STK33: variants seen among roughly 807,000 people sequenced by gnomAD.
STK33 encodes the protein serine/threonine-protein kinase 33.
In STK33, 52 loss-of-function variants were observed where a neutral mutation model predicts 58.0. The ratio of observed to expected loss-of-function variants is 0.90; its 90% CI spans 0.72 to 1.13. The LOEUF (loss-of-function observed/expected upper bound fraction) is 1.13, where lower values mean the gene tolerates loss of function less well. STK33 is among the 50% of genes most tolerant of loss of function. STK33 has a pLI of 0.00. For missense variants in STK33, 630 were observed against 604.2 expected, an observed-to-expected ratio of 1.04 and a Z score of -0.45; for synonymous variants, 215 against 200.1, an observed-to-expected ratio of 1.07 and a Z score of -0.63.
chr11:8,444,841 C>T (rs1297698103), intron 11 of STK33, among the ~76,000 whole-genome samples: 1 of 152,024 alleles, frequency 6.6e-6, no homozygotes, highest in African/African-American at 2.4e-5. Flanking sequence ...AAATTTCAAA[C>T]TATTATTAGA....
rs1021443120 is a variant in STK33 at position 8,454,899 on chromosome 11, A to C, written c.698-67T>G. 3 of 1,379,130 alleles carry C rather than the reference A, an allele frequency of 2.2e-6. No homozygotes were observed. In the African/African-American group the frequency reaches 4.5e-5, roughly 21 times the overall value. 85.4% of individuals were successfully genotyped at this position (1,379,130 alleles called of 1,614,324 possible). A position where few individuals can be genotyped will look rare whatever the true frequency, so the allele number is the denominator to read the frequency against. On this transcript the variant is annotated intron_variant, in intron 9 of 15. Coordinates refer to ENST00000687296, the MANE Select transcript of STK33 (RefSeq NM_001352389.2). ...GGAAAAATAGGAGAGACACATATAG[A>C]TTAAATATATTTGACAAATTAATAT... is the stretch of plus-strand genomic sequence containing the variant.
At chr11:8,455,091 T>C (rs907483656) in intron 9 of STK33, among the ~76,000 whole-genome samples, 11 of 152,192 alleles carry the variant, frequency 7.2e-5, no homozygotes, top group African/African-American at 2.2e-4. Context: ...ATGAGTGGCC[T>C]GGGGAGTGTG....
chr11:8,353,767 T>C, the STK33 span, among the ~76,000 whole-genome samples: 1 of 152,202 alleles, frequency 6.6e-6, no homozygotes, highest in African/African-American at 2.4e-5. Context: ...TCTTCTGTCA[T>C]TTTCAAGGTT....
At chr11:8,389,870 T>C (rs796286892), downstream of STK33, among the ~76,000 whole-genome samples, 20 of 152,298 alleles carry the variant, frequency 1.3e-4, no homozygotes, top group African/African-American at 4.6e-4. Flanking sequence ...AGCTTCCATT[T>C]CCCTGGGTCT....
the STK33 span, among the ~76,000 whole-genome samples, chr11:8,362,363 C>T: frequency 4.6e-5 from 7 of 152,112 alleles, no homozygotes; most frequent in East Asian, 1.9e-4. Context: ...TTTCATTTGG[C>T]GCCCGGAATG....
chr11:8,584,390 G>C (rs951929005), intron 1 of STK33, among the ~76,000 whole-genome samples: 1 of 152,138 alleles, frequency 6.6e-6, no homozygotes, highest in African/African-American at 2.4e-5. Context: ...ACTGTGTCTT[G>C]AGAGAATGAA....
intron 14 of STK33, among the ~76,000 whole-genome samples, chr11:8,433,460 G>T (rs185012871): frequency 6.6e-6 from 1 of 152,120 alleles, no homozygotes; most frequent in East Asian, 1.9e-4. Context: ...GTGGCTTTAA[G>T]TGGTGTTTGT....
At chr11:8,353,667 T>G in the STK33 span, among the ~76,000 whole-genome samples, 1 of 152,160 alleles carries the variant, frequency 6.6e-6, no homozygotes. Flanking sequence ...TTCCCCATTG[T>G]TTTTCGGCTG....
At chr11:8,519,587 G>A (rs1191575668) in intron 1 of STK33, among the ~76,000 whole-genome samples, 6 of 152,084 alleles carry the variant, frequency 3.9e-5, no homozygotes, top group Non-Finnish European at 8.8e-5. Flanking sequence ...AAAATTGATA[G>A]ACTGCTAGCA....
chr11:8,460,440 C>T (rs547112149), intron 8 of STK33, among the ~76,000 whole-genome samples: 1 of 152,022 alleles, frequency 6.6e-6, no homozygotes, highest in Admixed American at 6.6e-5. Flanking sequence ...ACAACACATA[C>T]AATACTACAC....
intron 11 of STK33, among the ~76,000 whole-genome samples, chr11:8,442,856 C>A (rs1219388457): frequency 3.3e-5 from 5 of 152,080 alleles, no homozygotes. Context: ...AAGAAGAAGA[C>A]AGACACAGAA....
intron 15 of STK33, among the ~76,000 whole-genome samples, chr11:8,406,014 G>C (rs1939099980): frequency 6.6e-6 from 1 of 152,032 alleles, no homozygotes; most frequent in Admixed American, 6.6e-5. Context: ...ATGGTGGCGG[G>C]TGCCTGTAGT....
chr11:8,551,892 T>C (rs1391108134), intron 1 of STK33, among the ~76,000 whole-genome samples: 1 of 152,192 alleles, frequency 6.6e-6, no homozygotes, highest in Non-Finnish European at 1.5e-5. Flanking sequence ...CCATGAACTG[T>C]ACCCCTTGCA....
At chr11:8,546,970 T>C (rs1955970548) in intron 1 of STK33, among the ~76,000 whole-genome samples, 1 of 152,140 alleles carries the variant, frequency 6.6e-6, no homozygotes, top group South Asian at 2.1e-4. Flanking sequence ...AGACTATTTT[T>C]AGTTTTCTGA....
chr11:8,562,480 G>T (rs950694973), intron 1 of STK33, among the ~76,000 whole-genome samples: 16 of 150,030 alleles, frequency 1.1e-4, no homozygotes, highest in Non-Finnish European at 2.2e-4. Flanking sequence ...CACTTTCAGT[G>T]AAATCTGCAC....
At chr11:8,528,004 A>G (rs1954199716) in intron 1 of STK33, among the ~76,000 whole-genome samples, 1 of 152,208 alleles carries the variant, frequency 6.6e-6, no homozygotes. Flanking sequence ...GTTTACCTAC[A>G]GGGAGAGAAT....
At chr11:8,537,617 T>C (rs927975943) in intron 1 of STK33, among the ~76,000 whole-genome samples, 5 of 151,942 alleles carry the variant, frequency 3.3e-5, no homozygotes, top group Admixed American at 3.3e-4. Context: ...GAGATTAAAA[T>C]GGACATGTGC....
chr11:8,578,762 A>G (rs2141288875), intron 1 of STK33, among the ~76,000 whole-genome samples: 2 of 152,038 alleles, frequency 1.3e-5, no homozygotes, highest in South Asian at 4.1e-4. Context: ...TTATCTATCT[A>G]AAAACTAATT....
chr11:8,381,095 T>A, the STK33 span, among the ~76,000 whole-genome samples: 1 of 152,102 alleles, frequency 6.6e-6, no homozygotes, highest in Admixed American at 6.5e-5. Flanking sequence ...AGTGGTATAA[T>A]GGACTATGGA....
Sources: gnomAD v4.1 joint callset for allele counts (sites outside exome capture counted in the v4.1 genomes callset) on GRCh38, gnomAD v4.1.1 for gene constraint, MANE v1.5 for transcripts, NCBI Gene and HGNC (gene_info 2026-07-23, HGNC 2026-07-21) for gene names.